The following GRIP1 variants were observed in gnomAD, a reference collection of about 807,000 sequenced individuals.
The protein encoded by GRIP1 is glutamate receptor-interacting protein 1.
Under a neutral mutation model 129.9 loss-of-function variants are expected in GRIP1, and 45 were observed. That is an observed-to-expected ratio of 0.35 (90% confidence interval 0.27 to 0.44). GRIP1 has a LOEUF of 0.44. Ranked by LOEUF, GRIP1 falls within the 20% of genes least tolerant of loss-of-function variation. GRIP1 has a pLI of 1.00. For missense variants in GRIP1, 1,196 were observed against 1,396.8 expected (o/e 0.86, Z 2.29); for synonymous variants, 530 against 520.8 (o/e 1.02, Z -0.24).
chr12:66,907,951 GA>G (rs2040962812), intron 1 of GRIP1, among the ~76,000 whole-genome samples: 1 of 152,006 alleles, frequency 6.6e-6, no homozygotes, highest in African/African-American at 2.4e-5. Context: ...TGCCCTTCAA[GA>G]TGACAGAGAT....
chr12:66,704,407 AAGAAC>A (rs1463251180), intron 1 of GRIP1, among the ~76,000 whole-genome samples: 1 of 152,092 alleles, frequency 6.6e-6, no homozygotes, highest in African/African-American at 2.4e-5. Context: ...TTATTCTATA[AAGAAC>A]ACATGTGGAT....
intron 16 of GRIP1, among the ~76,000 whole-genome samples, chr12:66,398,864 C>CT (rs1297347207): frequency 6.6e-6 from 1 of 151,956 alleles, no homozygotes; most frequent in Non-Finnish European, 1.5e-5. Flanking sequence ...GCCTTTCACT[C>CT]TATGTTTTAA....
chr12:66,808,493 G>GTTTT (rs905894515), upstream of GRIP1, among the ~76,000 whole-genome samples: 1 of 151,886 alleles, frequency 6.6e-6, no homozygotes, highest in Non-Finnish European at 1.5e-5. Flanking sequence ...TTGTTTGTTT[G>GTTTT]TTTGAGACGG....
chr12:66,751,129 G>A (rs1566002605), intron 1 of GRIP1, among the ~76,000 whole-genome samples: 1 of 152,182 alleles, frequency 6.6e-6, no homozygotes, highest in Admixed American at 6.5e-5. Flanking sequence ...AATGCAGCTT[G>A]TGGAACTCTG....
chr12:66,732,781 G>T (rs1324005416), intron 1 of GRIP1, among the ~76,000 whole-genome samples: 1 of 152,076 alleles, frequency 6.6e-6, no homozygotes, highest in African/African-American at 2.4e-5. Context: ...TAAGTTTTTA[G>T]GGAATCAAAA....
chr12:67,033,683 A>G (rs2043055063), intron 1 of GRIP1, among the ~76,000 whole-genome samples: 1 of 152,174 alleles, frequency 6.6e-6, no homozygotes, highest in Admixed American at 6.6e-5. Context: ...AAGTCCTGGT[A>G]CCAAGTTCTC....
At chr12:66,993,474 A>G (rs1371463581) in intron 1 of GRIP1, among the ~76,000 whole-genome samples, 1 of 152,076 alleles carries the variant, frequency 6.6e-6, no homozygotes, top group Non-Finnish European at 1.5e-5. Context: ...CCAAGAAAAA[A>G]AAAAGACTCA....
chr12:66,998,068 G>A (rs1196338327), intron 1 of GRIP1, among the ~76,000 whole-genome samples: 1 of 152,100 alleles, frequency 6.6e-6, no homozygotes, highest in Non-Finnish European at 1.5e-5. Flanking sequence ...GAAACCAGTG[G>A]GGTAATGTCT....
At chr12:66,385,679 G>T (rs1292193676) in intron 19 of GRIP1, among the ~76,000 whole-genome samples, 1 of 151,948 alleles carries the variant, frequency 6.6e-6, no homozygotes, top group East Asian at 1.9e-4. Context: ...GCATGACCTT[G>T]GCTCACTGTA....
At chr12:66,626,184 A>G (rs1486509601) in intron 1 of GRIP1, among the ~76,000 whole-genome samples, 2 of 152,046 alleles carry the variant, frequency 1.3e-5, no homozygotes, top group Non-Finnish European at 2.9e-5. Flanking sequence ...AAAACAAACA[A>G]AAACAATTGG....
chr12:66,416,622 A>G (rs1051938025), intron 15 of GRIP1, among the ~76,000 whole-genome samples: 2 of 152,222 alleles, frequency 1.3e-5, no homozygotes, highest in Non-Finnish European at 2.9e-5. Flanking sequence ...AGTGGCTCCT[A>G]TGAGCAACTA....
At chr12:66,747,569 C>A (rs7309118) in intron 1 of GRIP1, among the ~76,000 whole-genome samples, 4 of 151,996 alleles carry the variant, frequency 2.6e-5, no homozygotes, top group Non-Finnish European at 5.9e-5. Context: ...TTCAGGCCAA[C>A]AGGGAATGGA....
intron 1 of GRIP1, among the ~76,000 whole-genome samples, chr12:66,887,431 G>T (rs960420751): frequency 6.6e-6 from 1 of 152,200 alleles, no homozygotes; most frequent in East Asian, 1.9e-4. Flanking sequence ...AGGATTGAAT[G>T]AGTGTCTGCC....
At chr12:66,823,664 T>C (rs1042569413) in intron 1 of GRIP1, among the ~76,000 whole-genome samples, 5 of 152,122 alleles carry the variant, frequency 3.3e-5, no homozygotes, top group Non-Finnish European at 7.3e-5. Flanking sequence ...AAGAATTTAC[T>C]CAGTAAACAC....
At chr12:66,871,134 G>A (rs2137154041) in intron 1 of GRIP1, among the ~76,000 whole-genome samples, 1 of 142,544 alleles carries the variant, frequency 7.0e-6, no homozygotes, top group African/African-American at 2.4e-5. Flanking sequence ...ATTAGAATTG[G>A]TGTAGGTTGG....
At chr12:66,690,731 A>T (rs992600220) in intron 1 of GRIP1, among the ~76,000 whole-genome samples, 16 of 147,934 alleles carry the variant, frequency 1.1e-4, no homozygotes, top group South Asian at 6.6e-4. Context: ...TTTTTCAAAA[A>T]ATTTTTTTTA....
chr12:66,557,157 CAA>C (rs1266577590), intron 2 of GRIP1, among the ~76,000 whole-genome samples: 1 of 151,824 alleles, frequency 6.6e-6, no homozygotes, highest in East Asian at 1.9e-4. Context: ...ATGGAAACCA[CAA>C]AAGGGCAGAA....
chr12:66,620,770 AC>A (rs1262190971), intron 1 of GRIP1, among the ~76,000 whole-genome samples: 3 of 138,200 alleles, frequency 2.2e-5, no homozygotes, highest in South Asian at 2.4e-4. Context: ...CCCACCCCTC[AC>A]CCCCCCAACC....
intron 2 of GRIP1, among the ~76,000 whole-genome samples, chr12:66,564,554 CT>C (rs2062672295): frequency 6.6e-6 from 1 of 152,150 alleles, no homozygotes; most frequent in African/African-American, 2.4e-5. Flanking sequence ...GGTTCCAAGT[CT>C]TTGCTATCGT....
Sources: gnomAD v4.1 joint callset for allele counts (sites outside exome capture counted in the v4.1 genomes callset) on GRCh38, gnomAD v4.1.1 for gene constraint, MANE v1.5 for transcripts, NCBI Gene and HGNC (gene_info 2026-07-23, HGNC 2026-07-21) for gene names.